The following CACNA2D3 variants were observed in gnomAD, a reference collection of about 807,000 sequenced individuals.
The protein encoded by CACNA2D3 is calcium voltage-gated channel auxiliary subunit alpha2delta 3.
A neutral mutation model predicts 160.6 loss-of-function variants in CACNA2D3; 60 were observed. That is an observed-to-expected ratio of 0.37 (90% confidence interval 0.30 to 0.46). The LOEUF is 0.46. Ranked by LOEUF, CACNA2D3 falls within the 20% of genes least tolerant of loss-of-function variation. The pLI, the probability that CACNA2D3 is intolerant of heterozygous loss-of-function variation, is 1.00. For synonymous variants in CACNA2D3, 558 were observed against 492.9 expected (o/e 1.13, Z -1.75); for missense variants, 1,205 against 1,365.0 (o/e 0.88, Z 1.85).
chr3:55,051,631 A>C (rs1026998055), intron 35 of CACNA2D3, among the ~76,000 whole-genome samples: 6 of 152,082 alleles, frequency 3.9e-5, no homozygotes, highest in African/African-American at 1.5e-4. Context: ...GGTGGGCTCC[A>C]CCCAGTTCGA....
At chr3:54,655,343 T>C (rs1368480736) in intron 11 of CACNA2D3, among the ~76,000 whole-genome samples, 1 of 152,170 alleles carries the variant, frequency 6.6e-6, no homozygotes, top group East Asian at 1.9e-4. Flanking sequence ...TTAAACAAAA[T>C]GTTGCGCTCC....
intron 6 of CACNA2D3, 87 bp downstream of exon 6, chr3:54,563,018 T>C: frequency 8.0e-7 from 1 of 1,248,672 alleles, no homozygotes; most frequent in African/African-American, 1.5e-5. Context: ...GGTTAAAACT[T>C]TTCTGCCTTT....
chr3:54,611,917 A>C (rs1020964890), intron 9 of CACNA2D3, among the ~76,000 whole-genome samples: 19 of 152,224 alleles, frequency 1.2e-4, no homozygotes, highest in African/African-American at 4.1e-4. Context: ...TCTTTCGAAA[A>C]GGATCATGCA....
At chr3:55,011,954 A>G (rs1050238190) in intron 34 of CACNA2D3, among the ~76,000 whole-genome samples, 15 of 152,330 alleles carry the variant, frequency 9.8e-5, no homozygotes, top group Admixed American at 2.6e-4. Flanking sequence ...AATAAAATCA[A>G]TAGAGCCCAG....
At chr3:54,969,562 C>T (rs1027361734) in intron 28 of CACNA2D3, among the ~76,000 whole-genome samples, 4 of 152,082 alleles carry the variant, frequency 2.6e-5, no homozygotes, top group African/African-American at 9.7e-5. Flanking sequence ...GCCTGCCCCA[C>T]CCCGCTCAGT....
chr3:54,614,220 C>G (rs558297574), intron 9 of CACNA2D3, among the ~76,000 whole-genome samples: 18 of 152,344 alleles, frequency 1.2e-4, no homozygotes, highest in Non-Finnish European at 2.2e-4. Context: ...CCTCACTTCA[C>G]TTAGACCAGA....
At chr3:54,637,527 G>A (rs1699404878) in intron 10 of CACNA2D3, among the ~76,000 whole-genome samples, 1 of 151,916 alleles carries the variant, frequency 6.6e-6, no homozygotes, top group African/African-American at 2.4e-5. Context: ...TGTCTAAGTT[G>A]GCACCAGAGT....
At chr3:54,725,750 A>G (rs1701263710) in intron 11 of CACNA2D3, among the ~76,000 whole-genome samples, 1 of 152,174 alleles carries the variant, frequency 6.6e-6, no homozygotes, top group African/African-American at 2.4e-5. Flanking sequence ...CTGGGTATCA[A>G]TAGAATGTAT....
At chr3:54,424,316 C>T (rs1451223931) in intron 4 of CACNA2D3, among the ~76,000 whole-genome samples, 1 of 152,174 alleles carries the variant, frequency 6.6e-6, no homozygotes, top group Non-Finnish European at 1.5e-5. Flanking sequence ...AAGCTCCTAG[C>T]TCCTGGTTCC....
intron 35 of CACNA2D3, among the ~76,000 whole-genome samples, chr3:55,057,783 C>G (rs542300648): frequency 6.6e-6 from 1 of 152,100 alleles, no homozygotes; most frequent in Admixed American, 6.5e-5. Context: ...CCCTTTATTG[C>G]ATATTGATAT....
rs1317716637 is a variant in CACNA2D3, at chr3:54,662,251, A to G, written c.1167+20010A>G. On this transcript the variant is annotated intron_variant, in intron 11 of 37. Coordinates refer to ENST00000474759, the MANE Select transcript of CACNA2D3 (RefSeq NM_018398.3). ...CTCTATGCTACTGAGGACTGAACACAAAGCATGTGCTTGCAGGGTAGAAAT... is the reference window on the plus strand; with the variant it reads ...CTCTATGCTACTGAGGACTGAACACGAAGCATGTGCTTGCAGGGTAGAAAT... 3.3e-5 allele frequency among the ~76,000 whole-genome samples: 5 copies of G among 152,094 alleles called. No individual in the cohort carries two copies. In the East Asian group the frequency reaches 9.7e-4, roughly 29 times the overall value.
intron 11 of CACNA2D3, among the ~76,000 whole-genome samples, chr3:54,685,814 A>C (rs1347286575): frequency 6.6e-6 from 1 of 152,150 alleles, no homozygotes; most frequent in Non-Finnish European, 1.5e-5. Flanking sequence ...CTATCACCTG[A>C]TTCCTTCCTC....
At chr3:54,704,257 G>A (rs566981509) in intron 11 of CACNA2D3, among the ~76,000 whole-genome samples, 2 of 152,304 alleles carry the variant, frequency 1.3e-5, no homozygotes, top group African/African-American at 4.8e-5. Context: ...ATAAGCCAAA[G>A]CCTTGGAGTA....
At chr3:54,592,789 T>C (rs1050121101) in intron 9 of CACNA2D3, among the ~76,000 whole-genome samples, 2 of 152,248 alleles carry the variant, frequency 1.3e-5, no homozygotes, top group Non-Finnish European at 2.9e-5. Context: ...TTGGCAGTTT[T>C]GATCTTTTCT....
intron 4 of CACNA2D3, among the ~76,000 whole-genome samples, chr3:54,442,346 C>G (rs1230187110): frequency 6.6e-6 from 1 of 152,046 alleles, no homozygotes; most frequent in Non-Finnish European, 1.5e-5. Context: ...TAAAGAGGGC[C>G]CTTTACTCCT....
intron 3 of CACNA2D3, among the ~76,000 whole-genome samples, chr3:54,374,884 T>C (rs771671603): frequency 6.6e-6 from 1 of 151,942 alleles, no homozygotes; most frequent in Non-Finnish European, 1.5e-5. Flanking sequence ...AACATCTAGA[T>C]AACATCAATA....
intron 2 of CACNA2D3, among the ~76,000 whole-genome samples, chr3:54,273,720 G>A (rs941144095): frequency 1.3e-5 from 2 of 152,154 alleles, no homozygotes; most frequent in East Asian, 3.9e-4. Flanking sequence ...GACCGTTCTC[G>A]GAGTTTGAGG....
chr3:55,033,565 G>A (rs6785508), intron 35 of CACNA2D3, among the ~76,000 whole-genome samples: 34,937 of 124,030 alleles, frequency 0.28, 4,579 homozygotes, highest in Admixed American at 0.39. Flanking sequence ...TGAAACTATC[G>A]TGTCATTTAT....
chr3:54,995,539 G>A (rs1396164096), intron 31 of CACNA2D3, among the ~76,000 whole-genome samples: 2 of 152,166 alleles, frequency 1.3e-5, no homozygotes, highest in African/African-American at 2.4e-5. Context: ...CTGAGCCCCA[G>A]CCATCATATC....
Sources: allele counts gnomAD v4.1 joint callset (sites outside exome capture counted in the v4.1 genomes callset), GRCh38; gene constraint gnomAD v4.1.1; transcripts MANE v1.5; gene names NCBI Gene and HGNC (gene_info 2026-07-23, HGNC 2026-07-21).